Variants in CNIH3 observed in about 807,000 individuals in gnomAD.
CNIH3 encodes protein cornichon homolog 3.
A neutral mutation model predicts 24.1 loss-of-function variants in CNIH3; 14 were observed. The observed-to-expected ratio is 0.58, with a 90% CI of 0.38 to 0.91. The LOEUF (loss-of-function observed/expected upper bound fraction) is 0.91, where lower values mean the gene tolerates loss of function less well. CNIH3 is among the 40% of genes least tolerant of loss of function. The pLI, the probability that CNIH3 is intolerant of heterozygous loss-of-function variation, is 0.00. For synonymous variants in CNIH3, 68 were observed against 73.8 expected (o/e 0.92, Z 0.40); for missense variants, 178 against 196.8 (o/e 0.90, Z 0.57).
At chr1:224,612,200 A>G (rs933530523), upstream of CNIH3, among the ~76,000 whole-genome samples, 1 of 152,254 alleles carries the variant, frequency 6.6e-6, no homozygotes, top group East Asian at 1.9e-4. The surrounding 1 kb of genome is among the most constrained non-coding windows in gnomAD (Gnocchi z 4.7). Context: ...AATGAAATAC[A>G]GTAACATCTT....
chr1:224,528,880 G>T (rs890218218), intron 2 of CNIH3, among the ~76,000 whole-genome samples: 1 of 152,176 alleles, frequency 6.6e-6, no homozygotes, highest in South Asian at 2.1e-4. Context: ...CAACTTGCGC[G>T]TGGTCATTTA....
intron 1 of CNIH3, among the ~76,000 whole-genome samples, chr1:224,652,799 T>C (rs1684922038): frequency 6.6e-6 from 1 of 152,220 alleles, no homozygotes; most frequent in Non-Finnish European, 1.5e-5. Context: ...TTGGTGGGGC[T>C]GAGGCTGCTA....
chr1:224,434,923 A>G (rs1169497578), intron 1 of CNIH3: 39 of 984,422 alleles, frequency 4.0e-5, no homozygotes, highest in Middle Eastern at 5.2e-4. Flanking sequence ...CCCGGGGGTC[A>G]GGGGAGGGAG....
chr1:224,539,086 CA>C (rs1679411244), downstream of CNIH3, among the ~76,000 whole-genome samples: 2 of 149,962 alleles, frequency 1.3e-5, no homozygotes, highest in Non-Finnish European at 3.0e-5. Context: ...GTGGCTAACA[CA>C]GATTTCCAGT....
In CNIH3 at chr1:224,616,998, G is replaced by A; in HGVS notation, c.-177G>A. ...GGTCTGGGGTCGCCGGAGCCTGCGG[G>A]AATCCAGCGCTTATTCGCTGACCCT... On this transcript the variant is annotated 5_prime_UTR_variant, in exon 1 of 6. Transcript: ENST00000272133. The A allele has an allele frequency of 2.1e-6, 3 of 1,411,216 alleles. No homozygotes were observed. Among genetic ancestry groups the A allele is most frequent in the Non-Finnish European group, 1.8e-6 (2 of 1,087,442 alleles). The allele number at this position is 1,411,216 out of a possible 1,614,324, so 87.4% of individuals were successfully genotyped here. A position where few individuals can be genotyped will look rare whatever the true frequency, so the allele number is the denominator to read the frequency against.
chr1:224,665,369 G>A (rs1473449908), intron 1 of CNIH3, among the ~76,000 whole-genome samples: 1 of 152,200 alleles, frequency 6.6e-6, no homozygotes, highest in Non-Finnish European at 1.5e-5. Flanking sequence ...ATCAACTACT[G>A]AAGGGTTTAT....
intron 3 of CNIH3, among the ~76,000 whole-genome samples, chr1:224,723,572 C>T (rs943332412): frequency 2.0e-5 from 3 of 152,218 alleles, no homozygotes; most frequent in Non-Finnish European, 4.4e-5. Context: ...CCCTTCATGC[C>T]GTCACTGACC....
At chr1:224,599,609 TTAGA>T (rs1199695822) in intron 3 of CNIH3, among the ~76,000 whole-genome samples, 2 of 151,944 alleles carry the variant, frequency 1.3e-5, no homozygotes, top group African/African-American at 4.8e-5. Context: ...GCATAATTTA[TTAGA>T]TATTCTAATA....
chr1:224,644,025 A>G (rs1227198165), intron 1 of CNIH3, among the ~76,000 whole-genome samples: 3 of 152,172 alleles, frequency 2.0e-5, no homozygotes, highest in Non-Finnish European at 2.9e-5. Context: ...ATTGTAGTAG[A>G]GGCCAAGTGA....
chr1:224,601,211 C>T (rs1682194113), intron 3 of CNIH3, among the ~76,000 whole-genome samples: 1 of 152,204 alleles, frequency 6.6e-6, no homozygotes, highest in African/African-American at 2.4e-5. Flanking sequence ...GGTTGCATCC[C>T]TTCTCCCCTG....
At chr1:224,506,044 G>A (rs1677895433) in intron 1 of CNIH3, among the ~76,000 whole-genome samples, 1 of 152,156 alleles carries the variant, frequency 6.6e-6, no homozygotes, top group Non-Finnish European at 1.5e-5. Context: ...TTGCTCCCAA[G>A]ACCCAAGCCT....
At chr1:224,542,033 G>A (rs528402681), downstream of CNIH3, among the ~76,000 whole-genome samples, 4 of 152,194 alleles carry the variant, frequency 2.6e-5, no homozygotes, top group East Asian at 3.9e-4. Flanking sequence ...CTTTTCTGCC[G>A]GATGTTCAGG....
intron 3 of CNIH3, among the ~76,000 whole-genome samples, chr1:224,698,535 G>C (rs1020628995): frequency 6.6e-6 from 1 of 152,206 alleles, no homozygotes. Flanking sequence ...TATGTCTTCT[G>C]AGAGAAACTG....
Position 224,616,581 on chromosome 1 carries a change from G to C in CNIH3, c.-594G>C. 1.0e-6 allele frequency: 1 copy of C among 986,862 alleles called. No homozygotes were observed. The highest frequency in any genetic ancestry group is 1.2e-6 in the Non-Finnish European group (1 of 830,946). 61.1% of individuals were successfully genotyped at this position (986,862 alleles called of 1,614,324 possible). A position where few individuals can be genotyped will look rare whatever the true frequency, so the allele number is the denominator to read the frequency against. On this transcript the variant is annotated 5_prime_UTR_variant, in exon 1 of 6. Coordinates refer to ENST00000272133, the MANE Select transcript of CNIH3 (RefSeq NM_152495.2). ...CGCGTCTGGGGCGCAGGACCAACGGGACCTACCTCCTCCCGGCTACCTAAA... is the reference window on the plus strand; with the variant it reads ...CGCGTCTGGGGCGCAGGACCAACGGCACCTACCTCCTCCCGGCTACCTAAA...
chr1:224,603,909 C>G (rs982619315), intron 3 of CNIH3, among the ~76,000 whole-genome samples: 2 of 152,094 alleles, frequency 1.3e-5, no homozygotes, highest in African/African-American at 4.8e-5. Context: ...TCTCTTTATT[C>G]TAAGAGTTCA....
intron 1 of CNIH3, among the ~76,000 whole-genome samples, chr1:224,517,011 C>G (rs1294859322): frequency 2.0e-5 from 3 of 152,130 alleles, no homozygotes; most frequent in African/African-American, 7.2e-5. Context: ...GAAGATTTCA[C>G]CTGGATCCTG....
intron 3 of CNIH3, among the ~76,000 whole-genome samples, chr1:224,595,262 T>C (rs559903329): frequency 6.6e-6 from 1 of 152,244 alleles, no homozygotes; most frequent in African/African-American, 2.4e-5. Flanking sequence ...CCCAGGCTGG[T>C]CTCAAACTCA....
chr1:224,677,528 G>A (rs1686197289), intron 1 of CNIH3, among the ~76,000 whole-genome samples: 1 of 152,146 alleles, frequency 6.6e-6, no homozygotes, highest in Admixed American at 6.5e-5. Flanking sequence ...TCATCAGAAA[G>A]CACCCATGAA....
At chr1:224,574,778 C>T in intron 4 of CNIH3, 1 of 1,071,702 alleles carries the variant, frequency 9.3e-7, no homozygotes, top group Non-Finnish European at 1.5e-6. Flanking sequence ...GGCCAACCAG[C>T]TTCAAGCCTG....
Sources: allele counts gnomAD v4.1 joint callset (sites outside exome capture counted in the v4.1 genomes callset), GRCh38; gene constraint gnomAD v4.1.1; non-coding constraint Gnocchi (gnomAD v3.1); transcripts MANE v1.5; gene names NCBI Gene and HGNC (gene_info 2026-07-23, HGNC 2026-07-21).